The following HTR2A variants were observed in gnomAD, a reference collection of about 807,000 sequenced individuals.
HTR2A encodes 5-HT2 receptor.
Under a neutral mutation model 31.0 loss-of-function variants are expected in HTR2A, and 14 were observed. That is an observed-to-expected ratio of 0.45 (90% CI 0.30 to 0.71). The LOEUF (loss-of-function observed/expected upper bound fraction) is 0.71, where lower values mean the gene tolerates loss of function less well. Ranked by LOEUF, HTR2A falls within the 30% of genes least tolerant of loss-of-function variation. The pLI is 0.09. For missense variants in HTR2A, 442 were observed against 573.3 expected, an observed-to-expected ratio of 0.77 and a Z score of 2.34; for synonymous variants, 209 against 225.2, an observed-to-expected ratio of 0.93 and a Z score of 0.64.
intron 3 of HTR2A, among the ~76,000 whole-genome samples, chr13:46,890,271 A>G (rs1471597784): frequency 6.6e-6 from 1 of 152,206 alleles, no homozygotes; most frequent in East Asian, 1.9e-4. Context: ...TGAATGCGGG[A>G]GGCGGAGGTT....
intron 3 of HTR2A, chr13:46,856,252 T>C (rs1249000097): frequency 6.6e-6 from 1 of 152,216 alleles, no homozygotes; most frequent in Non-Finnish European, 1.5e-5. Context: ...ATCAAACTAA[T>C]ATGCCACTTA....
chr13:46,896,728 ATC>A lies in HTR2A; in HGVS notation c.-385_-384del, dbSNP rs2138261483. On this transcript the variant is annotated 5_prime_UTR_variant, in exon 1 of 4. It adds an upstream start codon to the 5' untranslated region. Transcript: ENST00000542664. ...CATTTGTTATTCTGTGACTCGCTGC[ATC>A]TCTCACAGTAATTAAACTGGTGTAG... is the stretch of plus-strand genomic sequence containing the variant. 6.5e-7 allele frequency: 1 copy of A among 1,534,974 alleles called. No homozygotes were observed. Among genetic ancestry groups the A allele is most frequent in the Admixed American group, 2.0e-5 (1 of 50,948 alleles).
chr13:46,834,760 A>G lies in HTR2A; in HGVS notation c.*77T>C. ...CACTAGACTTGTCTAATTTTTTCCAATCTCATATTTTTTTTTTTCCAGATA... is the reference window on the plus strand; with the variant it reads ...CACTAGACTTGTCTAATTTTTTCCAGTCTCATATTTTTTTTTTTCCAGATA... On this transcript the variant is annotated 3_prime_UTR_variant, in exon 4 of 4. Transcript: ENST00000542664. The G allele has an allele frequency of 1.7e-6, 2 of 1,184,494 alleles. No individual in the cohort carries two copies. The highest frequency in any genetic ancestry group is 1.7e-5 in the African/African-American group (1 of 59,640). 73.4% of individuals were successfully genotyped at this position (1,184,494 alleles called of 1,614,324 possible). A position where few individuals can be genotyped will look rare whatever the true frequency, so the allele number is the denominator to read the frequency against.
chr13:46,890,791 A>T (rs1209349214), intron 3 of HTR2A, among the ~76,000 whole-genome samples: 2 of 151,994 alleles, frequency 1.3e-5, no homozygotes, highest in Admixed American at 1.3e-4. Flanking sequence ...CCTCTGCATT[A>T]ATCTTGATTC....
chr13:46,897,079 C>T (rs1300361604), upstream of HTR2A: 3 of 482,266 alleles, frequency 6.2e-6, no homozygotes, highest in Non-Finnish European at 1.1e-5. Flanking sequence ...TTCATCAGAC[C>T]TCCCTCTATG....
chr13:46,856,087 T>C (rs1419465146), intron 3 of HTR2A: 1 of 152,246 alleles, frequency 6.6e-6, no homozygotes, highest in Non-Finnish European at 1.5e-5. Flanking sequence ...ATGTTGATCT[T>C]AGAAAACGAA....
At chr13:46,894,556 T>TG (rs1380209862) in intron 2 of HTR2A, among the ~76,000 whole-genome samples, 1 of 152,240 alleles carries the variant, frequency 6.6e-6, no homozygotes, top group Non-Finnish European at 1.5e-5. Context: ...GCTGGGTTGA[T>TG]GTTTTTTAAT....
rs537035058 is a variant in HTR2A, at chr13:46,872,329, T to C, written c.613+20061A>G. ...ATCTAGCATGCTGTATTGCATGGTT[T>C]ATTTGACCACTCTGTATATTACAAA... is the stretch of plus-strand genomic sequence containing the variant. On this transcript the variant is annotated intron_variant, in intron 3 of 3. Coordinates refer to ENST00000542664, the MANE Select transcript of HTR2A (RefSeq NM_000621.5). Among the ~76,000 whole-genome samples, 29 of 146,842 alleles carry C rather than the reference T, an allele frequency of 2.0e-4. 1 individual carries two copies. The South Asian group carries it at 5.1e-3, about 26-fold the overall frequency.
At chr13:46,884,760 C>T (rs1950993118) in intron 3 of HTR2A, among the ~76,000 whole-genome samples, 1 of 152,090 alleles carries the variant, frequency 6.6e-6, no homozygotes, top group African/African-American at 2.4e-5. Flanking sequence ...ATTTAATCAT[C>T]TTGATAAGTG....
chr13:46,865,301 A>C lies in HTR2A; in HGVS notation c.613+27089T>G, dbSNP rs538477379. 2.4e-3 allele frequency among the ~76,000 whole-genome samples: 367 copies of C among 152,360 alleles called. 3 individuals carry two copies. Among genetic ancestry groups the C allele is most frequent in the African/African-American group, 8.2e-3 (343 of 41,588 alleles). On this transcript the variant is annotated intron_variant, in intron 3 of 3. Transcript: ENST00000542664. ...AAAGTCATGTGTCAGCTAGCTGAGAAAGACTGCAAGTGATAGGGAGGAAAG... is the reference window on the plus strand; with the variant it reads ...AAAGTCATGTGTCAGCTAGCTGAGACAGACTGCAAGTGATAGGGAGGAAAG...
At chr13:46,887,169 C>A (rs567563736) in intron 3 of HTR2A, among the ~76,000 whole-genome samples, 1 of 152,064 alleles carries the variant, frequency 6.6e-6, no homozygotes, top group African/African-American at 2.4e-5. Flanking sequence ...CCTGTAATCC[C>A]GGCACTTTGG....
At chr13:46,848,154 G>A (rs1362354083) in intron 3 of HTR2A, among the ~76,000 whole-genome samples, 2 of 152,184 alleles carry the variant, frequency 1.3e-5, no homozygotes, top group South Asian at 2.1e-4. Context: ...CTCCTAAAAA[G>A]TTGTACATAC....
chr13:46,869,701 A>G (rs1168117025), intron 3 of HTR2A, among the ~76,000 whole-genome samples: 1 of 151,918 alleles, frequency 6.6e-6, no homozygotes, highest in East Asian at 1.9e-4. Flanking sequence ...AATGAGGTAC[A>G]TATATATATA....
In HTR2A at chr13:46,835,784, G is replaced by C. The variant is rs1003358626; in HGVS notation, c.614-145C>G. 5.9e-5 allele frequency: 39 copies of C among 660,456 alleles called. No homozygotes were observed. The South Asian group carries it at 7.3e-4, about 12-fold the overall frequency. 40.9% of individuals were successfully genotyped at this position (660,456 alleles called of 1,614,324 possible). ...TACTTTGAGAATTTAAAATTCCTTT[G>C]GACTTACATATGTGTTTTGTAAGTA... On this transcript the variant is annotated intron_variant, in intron 3 of 3. Transcript: ENST00000542664.
At chr13:46,844,153 C>A (rs893677024) in intron 3 of HTR2A, among the ~76,000 whole-genome samples, 1 of 152,168 alleles carries the variant, frequency 6.6e-6, no homozygotes, top group Admixed American at 6.5e-5. Flanking sequence ...ATGACAATCT[C>A]ATTAATAGCA....
intron 3 of HTR2A, among the ~76,000 whole-genome samples, chr13:46,883,342 C>A (rs1950982487): frequency 6.6e-6 from 1 of 151,536 alleles, no homozygotes; most frequent in Non-Finnish European, 1.5e-5. Context: ...GCCTTTCCTC[C>A]CATTACAAAA....
chr13:46,879,425 G>A (rs1200728336), intron 3 of HTR2A, among the ~76,000 whole-genome samples: 1 of 152,196 alleles, frequency 6.6e-6, no homozygotes, highest in African/African-American at 2.4e-5. Context: ...GGAGGCTGCA[G>A]CCAATGTTGC....
chr13:46,896,922 C>T lies in HTR2A; in HGVS notation c.-577G>A, dbSNP rs980732538. On this transcript the variant is annotated 5_prime_UTR_variant, in exon 1 of 4. Coordinates refer to ENST00000542664, the MANE Select transcript of HTR2A (RefSeq NM_000621.5). ...TGGGTTCCTCCCTCCCTGTGCGGCTCGCCTCAGCAGGCACACATTTAGAAA... is the reference window on the plus strand; with the variant it reads ...TGGGTTCCTCCCTCCCTGTGCGGCTTGCCTCAGCAGGCACACATTTAGAAA... The T allele has an allele frequency of 2.7e-6, 3 of 1,095,212 alleles. No individual in the cohort carries two copies. The highest frequency in any genetic ancestry group is 1.6e-5 in the African/African-American group (1 of 63,114). 67.8% of individuals were successfully genotyped at this position (1,095,212 alleles called of 1,614,324 possible).
At chr13:46,873,289 A>G (rs1950878457) in intron 3 of HTR2A, among the ~76,000 whole-genome samples, 1 of 151,742 alleles carries the variant, frequency 6.6e-6, no homozygotes, top group African/African-American at 2.4e-5. Context: ...GTTTTAACTC[A>G]TGTGGTAGTG....
Sources: gnomAD v4.1 joint callset for allele counts (sites outside exome capture counted in the v4.1 genomes callset) on GRCh38, gnomAD v4.1.1 for gene constraint, MANE v1.5 for transcripts, NCBI Gene and HGNC (gene_info 2026-07-23, HGNC 2026-07-21) for gene names.